Variants in SLC44A3 observed in about 807,000 individuals in gnomAD.
The protein encoded by SLC44A3 is choline transporter-like protein 3.
A neutral mutation model predicts 75.4 loss-of-function variants in SLC44A3; 74 were observed. The observed-to-expected ratio is 0.98, with a 90% CI of 0.81 to 1.19. The LOEUF (loss-of-function observed/expected upper bound fraction) is 1.19, where lower values mean the gene tolerates loss of function less well. Among genes scored for constraint, SLC44A3 ranks in the 50% most tolerant of loss-of-function variants. The probability of loss-of-function intolerance (pLI) is 0.00; values close to 1 mark genes in which losing one functional copy is unlikely to be tolerated. For synonymous variants in SLC44A3, 310 were observed against 296.9 expected (o/e 1.04, Z -0.45); for missense variants, 700 against 778.6 (o/e 0.90, Z 1.20).
chr1:94,888,682 A>C, intron 12 of SLC44A3: 7 of 984,860 alleles, frequency 7.1e-6, no homozygotes, highest in Non-Finnish European at 8.4e-6. Flanking sequence ...GTCTCACTGA[A>C]AATCTCTAAG....
In SLC44A3 at chr1:94,828,713, C is replaced by T. The variant is rs1270922388; in HGVS notation, c.509+127C>T. 5.3e-6 allele frequency: 4 copies of T among 751,558 alleles called. No homozygotes were observed. In the African/African-American group the frequency reaches 7.0e-5, roughly 13 times the overall value. 46.6% of individuals were successfully genotyped at this position (751,558 alleles called of 1,614,324 possible). A position where few individuals can be genotyped will look rare whatever the true frequency, so the allele number is the denominator to read the frequency against. On this transcript the variant is annotated intron_variant, in intron 5 of 14. Coordinates refer to ENST00000271227, the MANE Select transcript of SLC44A3 (RefSeq NM_001114106.3). Reference sequence around the variant, plus strand: ...AGAGCCCCTGCCTGCAGGGAGCTTACAGTCTACGGAGGCCAGCGATAAAAA... The same window carrying T: ...AGAGCCCCTGCCTGCAGGGAGCTTATAGTCTACGGAGGCCAGCGATAAAAA...
intron 4 of SLC44A3, 28 bp from the exon 5 acceptor site, chr1:94,828,465 G>A: frequency 6.3e-7 from 1 of 1,589,184 alleles, no homozygotes. Context: ...TGGAAAGAAG[G>A]TATAATGTCT....
At chr1:94,836,579 G>T (rs11165257) in intron 5 of SLC44A3, among the ~76,000 whole-genome samples, 2,663 of 152,252 alleles carry the variant, frequency 0.017, 69 homozygotes, top group African/African-American at 0.058. Context: ...TTTTGTTGGG[G>T]TTGGTAGTTT....
intron 12 of SLC44A3, among the ~76,000 whole-genome samples, chr1:94,883,596 T>C (rs1000232494): frequency 2.6e-5 from 4 of 152,206 alleles, no homozygotes; most frequent in Non-Finnish European, 5.9e-5. Flanking sequence ...AAAGTCAGAA[T>C]AATGAAACTC....
At chr1:94,857,106 GA>G (rs1222614926) in intron 9 of SLC44A3, among the ~76,000 whole-genome samples, 4 of 152,196 alleles carry the variant, frequency 2.6e-5, no homozygotes, top group Non-Finnish European at 5.9e-5. Flanking sequence ...AGGTGTCTTG[GA>G]AATTGCCTAC....
intron 9 of SLC44A3, among the ~76,000 whole-genome samples, chr1:94,846,488 C>T (rs1473121281): frequency 6.6e-6 from 1 of 152,216 alleles, no homozygotes; most frequent in African/African-American, 2.4e-5. Flanking sequence ...GAATGGACGT[C>T]ATTCCATTGC....
At chr1:94,869,438 C>A (rs1667522700) in intron 12 of SLC44A3, among the ~76,000 whole-genome samples, 1 of 152,150 alleles carries the variant, frequency 6.6e-6, no homozygotes, top group Non-Finnish European at 1.5e-5. Flanking sequence ...AATCATGGTG[C>A]CTGTGCACTA....
At chr1:94,892,244 T>C (rs1670297264) in intron 13 of SLC44A3, 37 bp from the exon 14 acceptor site, 1 of 1,576,296 alleles carries the variant, frequency 6.3e-7, no homozygotes, top group South Asian at 1.1e-5. Context: ...AAGCAACTGA[T>C]TCATAAAGAT....
Position 94,839,376 on chromosome 1 carries a change from A to T in SLC44A3, c.671-572A>T, listed in dbSNP as rs566200337. 2.6e-4 allele frequency among the ~76,000 whole-genome samples: 39 copies of T among 151,894 alleles called. 1 individual carries two copies. In the South Asian group the frequency reaches 6.3e-3, roughly 24 times the overall value. On this transcript the variant is annotated intron_variant, in intron 6 of 14. Transcript: ENST00000271227. ...CATTTGAGAATAATATTGCTATAAA[A>T]TTTTTTTTCTTTCTTTCTTTTTTTT...
At chr1:94,893,202 A>G (rs1288217126) in intron 14 of SLC44A3, among the ~76,000 whole-genome samples, 1 of 152,148 alleles carries the variant, frequency 6.6e-6, no homozygotes, top group Non-Finnish European at 1.5e-5. Flanking sequence ...GTTATATGAT[A>G]TTTGCATACT....
intron 6 of SLC44A3, among the ~76,000 whole-genome samples, chr1:94,838,403 C>A (rs1663110753): frequency 6.6e-6 from 1 of 152,222 alleles, no homozygotes; most frequent in African/African-American, 2.4e-5. Context: ...CTTCTCTGGG[C>A]ATTTCTGGAA....
chr1:94,862,144 C>T lies in SLC44A3; in HGVS notation c.1239-2599C>T, dbSNP rs114744419. Among the ~76,000 whole-genome samples the T allele has an allele frequency of 4.7e-3, 711 of 152,262 alleles. 7 individuals are homozygous for T. The highest frequency in any genetic ancestry group is 0.016 in the African/African-American group (684 of 41,538). ...GTAGAATAGGAAAGAAACATACAAC[C>T]TTCTCAGCCCTCCAAACCCCATCTT... On this transcript the variant is annotated intron_variant, in intron 10 of 14. Transcript: ENST00000271227.
chr1:94,892,409 A>G lies in SLC44A3; in HGVS notation c.1749A>G (p.Leu583=), dbSNP rs1360509728. The stretch of plus-strand genomic sequence containing the variant: ...CCTACTTAGTAGCCCATAGTTTTTT[A>G]TCTGTGTTTGAAACTGTGCTGGATG... The part of the protein sequence containing the change: ...FFAYLVAHSF[L]SVFETVLDAL... Residue 583 remains leucine (L), a synonymous_variant, in exon 14 of 15, where the codon TTA becomes TTG. Coordinates refer to ENST00000271227, the MANE Select transcript of SLC44A3 (RefSeq NM_001114106.3). 7 of 1,613,836 alleles carry G rather than the reference A, an allele frequency of 4.3e-6. No individual in the cohort carries two copies. Among genetic ancestry groups the G allele is most frequent in the Non-Finnish European group, 5.9e-6 (7 of 1,180,006 alleles).
At chr1:94,860,134 A>T (rs912877415) in intron 10 of SLC44A3, among the ~76,000 whole-genome samples, 28 of 152,228 alleles carry the variant, frequency 1.8e-4, no homozygotes, top group African/African-American at 6.5e-4. Context: ...GAAAACGGAG[A>T]CAATGCAGGC....
intron 9 of SLC44A3, among the ~76,000 whole-genome samples, chr1:94,845,705 GA>G (rs1356775979): frequency 6.6e-6 from 1 of 152,154 alleles, no homozygotes; most frequent in African/African-American, 2.4e-5. Context: ...AGTAAGGACT[GA>G]AAGCTCTAGG....
At chr1:94,846,044 G>A (rs1664358225) in intron 9 of SLC44A3, among the ~76,000 whole-genome samples, 1 of 151,862 alleles carries the variant, frequency 6.6e-6, no homozygotes, top group Non-Finnish European at 1.5e-5. Context: ...CTGCTGGGGA[G>A]GCTGAGGCAG....
At chr1:94,889,156 T>G (rs1441343605) in intron 12 of SLC44A3, 1 of 152,130 alleles carries the variant, frequency 6.6e-6, no homozygotes, top group Non-Finnish European at 1.5e-5. Context: ...CCCTTAACCC[T>G]ATGCTTGTTA....
At chr1:94,860,774 C>G (rs1362358768) in intron 10 of SLC44A3, among the ~76,000 whole-genome samples, 1 of 152,218 alleles carries the variant, frequency 6.6e-6, no homozygotes, top group Non-Finnish European at 1.5e-5. Context: ...CTGCCCTCAT[C>G]CTTTCTAGCA....
In SLC44A3 at chr1:94,864,856, C is replaced by T. The variant is rs368373395; in HGVS notation, c.1352C>T (p.Pro451Leu). The change falls in exon 11 of 15, where the codon CCG (proline) becomes CTG (leucine). Residue 451 changes from proline to leucine, a missense_variant. By Grantham distance (98) the Pro-to-Leu change is moderately conservative. Transcript: ENST00000271227. ...TTTTTAATCTCTGTGGTGAGGATTC[C>T]GAGAATCATTGTCATGTACATGCAA... is the stretch of plus-strand genomic sequence containing the variant. ...GSFLISVVRI[P>L]RIIVMYMQNA... The T allele has an allele frequency of 8.7e-5, 140 of 1,613,704 alleles. No individual in the cohort carries two copies. The Admixed American group carries it at 1.9e-3, about 22-fold the overall frequency.
Sources: allele counts gnomAD v4.1 joint callset (sites outside exome capture counted in the v4.1 genomes callset), GRCh38; gene constraint gnomAD v4.1.1; transcripts MANE v1.5; gene names NCBI Gene and HGNC (gene_info 2026-07-23, HGNC 2026-07-21).